The following HAMP variants were observed in gnomAD, a reference collection of about 807,000 sequenced individuals.
HAMP encodes the protein hepcidin antimicrobial peptide.
HAMP carries 5 observed loss-of-function variants against 7.8 expected under a neutral mutation model. The ratio of observed to expected loss-of-function variants is 0.64; its 90% CI spans 0.33 to 1.34. HAMP has a LOEUF of 1.34. Ranked by LOEUF, HAMP falls within the 40% of genes most tolerant of loss-of-function variation. The pLI is 0.05. For synonymous variants in HAMP, 52 were observed against 38.6 expected (o/e 1.35, Z -1.28); for missense variants, 105 against 104.1 (o/e 1.01, Z -0.04).
intron 1 of HAMP, 74 bp downstream of exon 1, chr19:35,282,741 G>T: frequency 8.7e-7 from 1 of 1,147,326 alleles, no homozygotes; most frequent in South Asian, 1.2e-5. Flanking sequence ...TAGGGCACTG[G>T]AGACACCCGA....
intron 1 of HAMP, 169 bp downstream of exon 1, chr19:35,282,836 C>T: frequency 3.1e-6 from 2 of 644,614 alleles, no homozygotes; most frequent in Non-Finnish European, 5.6e-6. Context: ...GCCTGTAATC[C>T]CAGCACTTTG....
chr19:35,282,862 C>A (rs1419739019), intron 1 of HAMP, 195 bp downstream of exon 1: 1 of 589,894 alleles, frequency 1.7e-6, no homozygotes, highest in Non-Finnish European at 3.1e-6. Context: ...TTGAGGCAGG[C>A]AGCCCACTTG....
At position 35,284,362 on chromosome 19, in the gene HAMP, T is replaced by C. The variant is rs10416795; in HGVS notation, c.91-427T>C. On this transcript the variant is annotated intron_variant, in intron 1 of 2. Transcript: ENST00000222304. ...CGGGAAGCTGAGGCGGGAGCATCGCTTGAGCACAGGAGGTCAAGGCTGCAG... is the reference window on the plus strand; with the variant it reads ...CGGGAAGCTGAGGCGGGAGCATCGCCTGAGCACAGGAGGTCAAGGCTGCAG... The C allele has an allele frequency of 4.1e-3, 910 of 220,218 alleles. 11 individuals are homozygous for C. Among genetic ancestry groups the C allele is most frequent in the African/African-American group, 0.019 (842 of 43,786 alleles). 13.6% of individuals were successfully genotyped at this position (220,218 alleles called of 1,614,324 possible).
chr19:35,284,007 C>T (rs1407785697), intron 1 of HAMP: 1 of 152,138 alleles, frequency 6.6e-6, no homozygotes, highest in Non-Finnish European at 1.5e-5. Context: ...GTTGGCCAGA[C>T]TGGTCTTGAA....
intron 2 of HAMP, 29 bp downstream of exon 2, chr19:35,284,877 C>G (rs374126439): frequency 1.5e-5 from 24 of 1,605,836 alleles, no homozygotes; most frequent in African/African-American, 2.7e-5. Flanking sequence ...CCTTTCCTAG[C>G]CCCCTGCTCC....
intron 1 of HAMP, chr19:35,284,287 A>T (rs1219889609): frequency 5.5e-6 from 1 of 180,532 alleles, no homozygotes; most frequent in Non-Finnish European, 1.2e-5. Context: ...TCTACAAAAA[A>T]TTAAAAAATT....
intron 1 of HAMP, chr19:35,284,547 A>C: frequency 1.7e-6 from 1 of 587,256 alleles, no homozygotes; most frequent in South Asian, 2.1e-5. Context: ...CAGGCAGGGG[A>C]AGGTGATATC....
At position 35,284,743 on chromosome 19, in the gene HAMP, C is replaced by T. The variant is rs770800959; in HGVS notation, c.91-46C>T. On this transcript the variant is annotated intron_variant, in intron 1 of 2. Coordinates refer to ENST00000222304, the MANE Select transcript of HAMP (RefSeq NM_021175.4). Reference sequence around the variant, plus strand: ...GTTGCCGGGAGCCAGTCTCAGAGGTCCACTGGGCCCCCTGCCATCCTCTGC... The same window carrying T: ...GTTGCCGGGAGCCAGTCTCAGAGGTTCACTGGGCCCCCTGCCATCCTCTGC... The T allele has an allele frequency of 1.4e-5, 21 of 1,479,228 alleles. No individual in the cohort carries two copies. The African/African-American group carries it at 2.8e-4, about 19-fold the overall frequency. The allele number at this position is 1,479,228 out of a possible 1,614,324, so 91.6% of individuals were successfully genotyped here.
chr19:35,283,979 G>C (rs531175456), intron 1 of HAMP: 3 of 152,122 alleles, frequency 2.0e-5, no homozygotes, highest in African/African-American at 7.2e-5. Flanking sequence ...TTTTTTAGTA[G>C]AGACAGGGTT....
Position 35,282,661 on chromosome 19 carries a change from AC to A in HAMP, c.85del (p.Gln29AsnfsTer?). On this transcript the variant is annotated frameshift_variant, in exon 1 of 3. Coordinates refer to ENST00000222304, the MANE Select transcript of HAMP (RefSeq NM_021175.4). LOFTEE classifies it high-confidence loss of function. ...ASLTSGSVFPQQTGQLAELQP... is the reference protein window; with the variant it reads ...ASLTSGSVFPXQTGQLAELQP... ...GCCTGACCAGTGGCTCTGTTTTCCC[AC>A]AACAGGTGAGAGCCCAGTGGCCTGG... 6.2e-7 allele frequency: 1 copy of A among 1,613,278 alleles called. No individual in the cohort carries two copies. Among genetic ancestry groups the A allele is most frequent in the East Asian group, 2.2e-5 (1 of 44,868 alleles).
chr19:35,284,422 G>A (rs1055733539), intron 1 of HAMP: 61 of 361,544 alleles, frequency 1.7e-4, no homozygotes, highest in African/African-American at 1.2e-3. Flanking sequence ...TCTGGCCTGG[G>A]CAACAGAGGA....
chr19:35,282,549 A>T lies in HAMP; in HGVS notation c.-29A>T. 6.3e-7 allele frequency: 1 copy of T among 1,583,458 alleles called. No homozygotes were observed. The highest frequency in any genetic ancestry group is 8.7e-7 in the Non-Finnish European group (1 of 1,152,116). ...AGACACCAGAGCAAGCTCAAGACCC[A>T]GCAGTGGGACAGCCAGACAGACGGC... is the stretch of plus-strand genomic sequence containing the variant. On this transcript the variant is annotated 5_prime_UTR_variant, in exon 1 of 3. Transcript: ENST00000222304.
intron 1 of HAMP, chr19:35,284,255 G>A (rs2066316034): frequency 5.9e-6 from 1 of 169,280 alleles, no homozygotes; most frequent in Non-Finnish European, 1.3e-5. Flanking sequence ...GACCAGCTTG[G>A]GCAACACAAC....
chr19:35,284,443 T>TA, intron 1 of HAMP: 1 of 411,788 alleles, frequency 2.4e-6, no homozygotes, highest in East Asian at 5.2e-5. Flanking sequence ...AGACTCTGTC[T>TA]AAAAAACAAA....
At chr19:35,282,826 G>A (rs2066310134) in intron 1 of HAMP, 159 bp downstream of exon 1, 2 of 672,574 alleles carry the variant, frequency 3.0e-6, no homozygotes, top group Non-Finnish European at 5.4e-6. Flanking sequence ...GGTGGCTCAT[G>A]CCTGTAATCC....
chr19:35,284,606 G>T (rs1317606580), intron 1 of HAMP, 183 bp from the exon 2 acceptor site: 2 of 514,172 alleles, frequency 3.9e-6, no homozygotes, highest in African/African-American at 2.0e-5. Flanking sequence ...GATCTGGGAG[G>T]TTTTTTTTTT....
intron 1 of HAMP, chr19:35,284,557 C>A (rs2066317384): frequency 3.4e-6 from 2 of 594,252 alleles, no homozygotes; most frequent in Non-Finnish European, 6.0e-6. Context: ...AAGGTGATAT[C>A]CCAAAGAAGA....
In HAMP at chr19:35,285,025, A is replaced by G; in HGVS notation, c.238A>G (p.Met80Val). The stretch of plus-strand genomic sequence containing the variant: ...CTGCTGTCATCGATCAAAGTGTGGG[A>G]TGTGCTGCAAGACGTAGAACCTACC... ...CGCCHRSKCG[M>V]CCKT The change falls in exon 3 of 3, where the codon ATG becomes GTG. Residue 80 changes from methionine (M) to valine (V), a missense_variant. Transcript: ENST00000222304. 1 of 1,612,414 alleles carries G rather than the reference A, an allele frequency of 6.2e-7. No homozygotes were observed. The highest frequency in any genetic ancestry group is 1.3e-5 in the African/African-American group (1 of 74,960).
At position 35,282,604 on chromosome 19, in the gene HAMP, C is replaced by T. The variant is rs201371612; in HGVS notation, c.27C>T (p.Ala9=). Residue 9 remains alanine, a synonymous_variant, in exon 1 of 3, where the codon GCC becomes GCT. Coordinates refer to ENST00000222304, the MANE Select transcript of HAMP (RefSeq NM_021175.4). ...TGGCACTGAGCTCCCAGATCTGGGC[C>T]GCTTGCCTCCTGCTCCTCCTCCTCC... is the stretch of plus-strand genomic sequence containing the variant. MALSSQIW[A]ACLLLLLLLA... The T allele has an allele frequency of 6.2e-6, 10 of 1,614,122 alleles. No individual in the cohort carries two copies. Among genetic ancestry groups the T allele is most frequent in the East Asian group, 4.5e-5 (2 of 44,876 alleles).
Sources: gnomAD v4.1 joint callset for allele counts on GRCh38, gnomAD v4.1.1 for gene constraint, MANE v1.5 for transcripts, NCBI Gene and HGNC (gene_info 2026-07-23, HGNC 2026-07-21) for gene names.